Variants in TRPM3 observed in about 807,000 individuals in gnomAD.
TRPM3 encodes transient receptor potential cation channel subfamily M member 3.
A neutral mutation model predicts 181.2 loss-of-function variants in TRPM3; 77 were observed. The observed-to-expected ratio is 0.42, with a 90% CI of 0.35 to 0.51. The LOEUF (loss-of-function observed/expected upper bound fraction) is 0.51. Among genes scored for constraint, TRPM3 ranks in the 20% least tolerant of loss-of-function variants. TRPM3 has a pLI of 0.01. For synonymous variants in TRPM3, 745 were observed against 796.4 expected, an observed-to-expected ratio of 0.94 and a Z score of 1.09; for missense variants, 1,759 against 2,196.7, an observed-to-expected ratio of 0.80 and a Z score of 3.98.
chr9:71,032,001 T>TA (rs375322902), intron 1 of TRPM3, among the ~76,000 whole-genome samples: 2 of 52,798 alleles, frequency 3.8e-5, no homozygotes, highest in Non-Finnish European at 8.2e-5. Context: ...ATATATATAA[T>TA]TATATAATAT....
In TRPM3 at chr9:70,662,895, T is replaced by C. The variant is rs2061327161; in HGVS notation, c.1345+18611A>G. On this transcript the variant is annotated intron_variant, in intron 9 of 25. Transcript: ENST00000677713. The stretch of plus-strand genomic sequence containing the variant: ...TCCAGCAATCCTGCTACTGGGTATC[T>C]AGGAAAGGAAAATAAGTCATTACAT... Among the ~76,000 whole-genome samples the C allele has an allele frequency of 2.6e-5, 4 of 152,198 alleles. No homozygotes were observed. The South Asian group carries it at 8.3e-4, about 32-fold the overall frequency.
intron 1 of TRPM3, among the ~76,000 whole-genome samples, chr9:71,400,468 C>A (rs2093316319): frequency 6.6e-6 from 1 of 152,128 alleles, no homozygotes; most frequent in Non-Finnish European, 1.5e-5. Flanking sequence ...ACTGTTGAAA[C>A]CCTCTTCTCT....
At chr9:71,259,261 A>G (rs2082879427) in intron 1 of TRPM3, among the ~76,000 whole-genome samples, 1 of 152,206 alleles carries the variant, frequency 6.6e-6, no homozygotes, top group Non-Finnish European at 1.5e-5. Context: ...TTCACAGTGT[A>G]TATGTGCCAC....
chr9:70,559,981 T>C (rs1470873531), intron 22 of TRPM3, among the ~76,000 whole-genome samples: 3 of 152,196 alleles, frequency 2.0e-5, no homozygotes, highest in Non-Finnish European at 4.4e-5. Context: ...AATGGTGCTT[T>C]CCCAGAAAAT....
intron 1 of TRPM3, among the ~76,000 whole-genome samples, chr9:70,926,503 G>A (rs1009193447): frequency 2.0e-5 from 3 of 152,082 alleles, no homozygotes; most frequent in African/African-American, 7.2e-5. Context: ...ATTTGAAAAA[G>A]AGGAAGATAT....
intron 1 of TRPM3, among the ~76,000 whole-genome samples, chr9:71,253,675 A>G (rs1465611510): frequency 6.6e-6 from 1 of 152,164 alleles, no homozygotes; most frequent in African/African-American, 2.4e-5. Flanking sequence ...TAGAACTACC[A>G]TATGATCCAG....
At chr9:70,668,501 A>G (rs1157541296) in intron 9 of TRPM3, among the ~76,000 whole-genome samples, 2 of 151,750 alleles carry the variant, frequency 1.3e-5, no homozygotes, top group Non-Finnish European at 2.9e-5. Flanking sequence ...CGTCTCTACT[A>G]AAAAATACAA....
At chr9:70,914,479 G>T (rs1305110925) in intron 1 of TRPM3, among the ~76,000 whole-genome samples, 1 of 152,226 alleles carries the variant, frequency 6.6e-6, no homozygotes, top group African/African-American at 2.4e-5. Context: ...ATCATATGAT[G>T]TGCCAAAAGA....
intron 5 of TRPM3, among the ~76,000 whole-genome samples, chr9:70,838,923 T>A (rs562906335): frequency 1.3e-5 from 2 of 152,146 alleles, no homozygotes; most frequent in Non-Finnish European, 2.9e-5. Context: ...GTCCCTCAGA[T>A]GGGTAGATCA....
intron 8 of TRPM3, among the ~76,000 whole-genome samples, chr9:70,737,672 GA>G (rs2134730959): frequency 1.4e-5 from 2 of 143,988 alleles, no homozygotes; most frequent in East Asian, 2.1e-4. Flanking sequence ...TAAAGGAGTG[GA>G]AAAAAATATT....
chr9:71,156,416 CACACAA>C (rs2076006735), intron 1 of TRPM3, among the ~76,000 whole-genome samples: 1 of 140,180 alleles, frequency 7.1e-6, no homozygotes, highest in African/African-American at 2.7e-5. Flanking sequence ...CACACACACA[CACACAA>C]GGCTTATCAC....
chr9:70,668,966 T>C (rs1331105363), intron 9 of TRPM3, among the ~76,000 whole-genome samples: 1 of 151,974 alleles, frequency 6.6e-6, no homozygotes, highest in Non-Finnish European at 1.5e-5. Flanking sequence ...CAGTGATGAG[T>C]TCCTCACAAG....
intron 1 of TRPM3, among the ~76,000 whole-genome samples, chr9:70,964,856 G>T (rs1034323040): frequency 2.0e-5 from 3 of 151,930 alleles, no homozygotes; most frequent in African/African-American, 2.4e-5. Flanking sequence ...CTGTTATATG[G>T]GACAATAAAA....
At chr9:70,973,493 T>C (rs2097266686) in intron 1 of TRPM3, among the ~76,000 whole-genome samples, 1 of 152,206 alleles carries the variant, frequency 6.6e-6, no homozygotes, top group Admixed American at 6.5e-5. Context: ...TGCTTTTTTT[T>C]CTGAGTTTGT....
intron 1 of TRPM3, among the ~76,000 whole-genome samples, chr9:71,415,110 CAGAAG>C (rs1468296445): frequency 2.0e-5 from 3 of 151,934 alleles, no homozygotes; most frequent in Non-Finnish European, 4.4e-5. Context: ...TTTGACCATC[CAGAAG>C]AGAAGGCAAT....
At chr9:70,800,808 A>AT (rs76229143) in intron 6 of TRPM3, among the ~76,000 whole-genome samples, 28,407 of 151,670 alleles carry the variant, frequency 0.19, 3,229 homozygotes, top group East Asian at 0.48. Flanking sequence ...TATCAATAGT[A>AT]TTTTTTTTTG....
At chr9:71,065,069 G>A (rs966669009) in intron 1 of TRPM3, among the ~76,000 whole-genome samples, 4 of 152,122 alleles carry the variant, frequency 2.6e-5, no homozygotes, top group African/African-American at 2.4e-5. Context: ...TTGTAGCTAT[G>A]GGATTGGGCT....
intron 1 of TRPM3, among the ~76,000 whole-genome samples, chr9:70,881,685 C>T (rs1202320995): frequency 6.6e-6 from 1 of 152,202 alleles, no homozygotes; most frequent in Non-Finnish European, 1.5e-5. Flanking sequence ...ATAATTACAT[C>T]TCCTCTGTGG....
chr9:70,773,236 T>C (rs2080691183), intron 7 of TRPM3, among the ~76,000 whole-genome samples: 1 of 152,208 alleles, frequency 6.6e-6, no homozygotes, highest in South Asian at 2.1e-4. Flanking sequence ...CAACATGGTA[T>C]AGCTGCTAAG....
Sources: gnomAD v4.1 joint callset for allele counts (sites outside exome capture counted in the v4.1 genomes callset) on GRCh38, gnomAD v4.1.1 for gene constraint, MANE v1.5 for transcripts, NCBI Gene and HGNC (gene_info 2026-07-23, HGNC 2026-07-21) for gene names.